Variants in PRMT3 observed in about 807,000 individuals in gnomAD.
PRMT3 encodes protein arginine methyltransferase 3, also known as protein arginine N-methyltransferase 3.
In PRMT3, 62 loss-of-function variants were observed where a neutral mutation model predicts 71.9. The ratio of observed to expected loss-of-function variants is 0.86; its 90% CI spans 0.70 to 1.07. The LOEUF (loss-of-function observed/expected upper bound fraction) is 1.07, where lower values mean the gene tolerates loss of function less well. Among genes scored for constraint, PRMT3 ranks in the 50% least tolerant of loss-of-function variants. The probability of loss-of-function intolerance (pLI) is 0.00; values close to 1 mark genes in which losing one functional copy is unlikely to be tolerated. For synonymous variants in PRMT3, 213 were observed against 220.4 expected (o/e 0.97, Z 0.30); for missense variants, 663 against 643.0 (o/e 1.03, Z -0.34).
intron 13 of PRMT3, among the ~76,000 whole-genome samples, chr11:20,470,544 G>A (rs1030595394): frequency 6.6e-6 from 1 of 152,016 alleles, no homozygotes; most frequent in Non-Finnish European, 1.5e-5. Context: ...CTCCATCCAC[G>A]GCCCTGCAAA....
At chr11:20,443,573 G>T (rs1458693574) in intron 10 of PRMT3, among the ~76,000 whole-genome samples, 2 of 152,128 alleles carry the variant, frequency 1.3e-5, no homozygotes, top group Non-Finnish European at 2.9e-5. Flanking sequence ...ATAGATATTC[G>T]TTGAGAGTGG....
intron 7 of PRMT3, among the ~76,000 whole-genome samples, chr11:20,402,615 T>C (rs1273895520): frequency 7.0e-6 from 1 of 143,554 alleles, no homozygotes; most frequent in Non-Finnish European, 1.5e-5. Context: ...AACATGTTCA[T>C]CTTTTATTAG....
chr11:20,440,489 C>CAAAAAAAAAAAAAA (rs55801324), intron 10 of PRMT3, among the ~76,000 whole-genome samples: 29 of 115,868 alleles, frequency 2.5e-4, no homozygotes, highest in East Asian at 7.6e-4. Flanking sequence ...ACTAAAAATA[C>CAAAAAAAAAAAAAA]AAAAAAAAAA....
chr11:20,444,254 T>C (rs1849973874), intron 10 of PRMT3, among the ~76,000 whole-genome samples: 1 of 152,184 alleles, frequency 6.6e-6, no homozygotes, highest in South Asian at 2.1e-4. Flanking sequence ...CTTAAAATAT[T>C]ACACTCTATT....
chr11:20,397,439 AGTT>A (rs1239695843), intron 6 of PRMT3, 135 bp from the exon 7 acceptor site: 2 of 795,604 alleles, frequency 2.5e-6, no homozygotes, highest in Non-Finnish European at 4.0e-6. Context: ...GGGAGCTTTC[AGTT>A]GTTCAAGATA....
At chr11:20,411,750 C>G (rs1258288497) in intron 9 of PRMT3, among the ~76,000 whole-genome samples, 7 of 152,076 alleles carry the variant, frequency 4.6e-5, no homozygotes, top group Admixed American at 3.3e-4. Context: ...CACATATTTA[C>G]TATAAATAGG....
intron 11 of PRMT3, among the ~76,000 whole-genome samples, chr11:20,452,574 C>G (rs1434571251): frequency 6.6e-6 from 1 of 152,128 alleles, no homozygotes. Flanking sequence ...ATATTTCATT[C>G]TAAGTTGGAA....
At chr11:20,483,590 T>TTTCATTCAAACATGGACTGAACAC (rs1265525743) in intron 13 of PRMT3, among the ~76,000 whole-genome samples, 2 of 152,040 alleles carry the variant, frequency 1.3e-5, no homozygotes, top group East Asian at 3.9e-4. Context: ...CAACATCACT[T>TTTCATTCAAACATGGACTGAACAC]TTCATTCAAA....
At chr11:20,433,773 G>A (rs886274833) in intron 10 of PRMT3, among the ~76,000 whole-genome samples, 12 of 151,920 alleles carry the variant, frequency 7.9e-5, no homozygotes, top group African/African-American at 2.4e-4. Flanking sequence ...GACATGTACC[G>A]CCGTGCTGGC....
At chr11:20,401,296 A>G (rs2133311040) in intron 7 of PRMT3, among the ~76,000 whole-genome samples, 1 of 152,346 alleles carries the variant, frequency 6.6e-6, no homozygotes, top group South Asian at 2.1e-4. Context: ...TGGTTATAGT[A>G]TCAGAAGAGT....
chr11:20,406,821 G>GT (rs1345412284), intron 8 of PRMT3: 1 of 152,100 alleles, frequency 6.6e-6, no homozygotes, highest in African/African-American at 2.4e-5. Flanking sequence ...TTGTTTTCTA[G>GT]TTTTTTGATA....
At chr11:20,433,308 T>C (rs1307912483) in intron 10 of PRMT3, among the ~76,000 whole-genome samples, 1 of 152,140 alleles carries the variant, frequency 6.6e-6, no homozygotes, top group Non-Finnish European at 1.5e-5. Flanking sequence ...ATGTGGTATT[T>C]GGTTTTCTGT....
At chr11:20,471,072 T>G (rs1344822407) in intron 13 of PRMT3, among the ~76,000 whole-genome samples, 2 of 152,172 alleles carry the variant, frequency 1.3e-5, no homozygotes, top group African/African-American at 4.8e-5. Context: ...TTTAATGGTT[T>G]TTTTTCTTGT....
At chr11:20,443,572 C>T (rs1284142616) in intron 10 of PRMT3, among the ~76,000 whole-genome samples, 3 of 152,116 alleles carry the variant, frequency 2.0e-5, no homozygotes, top group South Asian at 4.1e-4. Context: ...AATAGATATT[C>T]GTTGAGAGTG....
intron 9 of PRMT3, among the ~76,000 whole-genome samples, chr11:20,414,042 G>A (rs777427978): frequency 6.6e-6 from 1 of 151,914 alleles, no homozygotes; most frequent in East Asian, 1.9e-4. Flanking sequence ...CTTCAAACAC[G>A]TGCAACTTAA....
At chr11:20,431,440 A>G (rs1039455284) in intron 10 of PRMT3, among the ~76,000 whole-genome samples, 1 of 152,152 alleles carries the variant, frequency 6.6e-6, no homozygotes, top group African/African-American at 2.4e-5. Flanking sequence ...TAAGATCTCA[A>G]TAACTTAGGT....
chr11:20,419,993 G>A (rs1214755412), intron 9 of PRMT3, among the ~76,000 whole-genome samples: 1 of 152,124 alleles, frequency 6.6e-6, no homozygotes, highest in Non-Finnish European at 1.5e-5. Context: ...GCAACATGGC[G>A]AAACCCTATC....
chr11:20,406,958 T>C (rs1849085352), intron 8 of PRMT3: 1 of 152,238 alleles, frequency 6.6e-6, no homozygotes, highest in African/African-American at 2.4e-5. Context: ...AGAATGTCCA[T>C]AAGTTGTTTC....
intron 15 of PRMT3, among the ~76,000 whole-genome samples, 187 bp downstream of exon 15, chr11:20,494,441 C>A (rs1851287720): frequency 6.6e-6 from 1 of 152,178 alleles, no homozygotes; most frequent in South Asian, 2.1e-4. Flanking sequence ...TCAAGCAGTT[C>A]TCCTGCCTCA....
Sources: gnomAD v4.1 joint callset for allele counts (sites outside exome capture counted in the v4.1 genomes callset) on GRCh38, gnomAD v4.1.1 for gene constraint, MANE v1.5 for transcripts, NCBI Gene and HGNC (gene_info 2026-07-23, HGNC 2026-07-21) for gene names.